Variants in CLNK observed in about 807,000 individuals in gnomAD.
The protein encoded by CLNK is cytokine dependent hematopoietic cell linker, also known as cytokine-dependent hematopoietic cell linker.
In CLNK, 74 loss-of-function variants were observed where a neutral mutation model predicts 68.6. The observed-to-expected ratio is 1.08, with a 90% CI of 0.89 to 1.31. The LOEUF is 1.31. Ranked by LOEUF, CLNK falls within the 50% of genes most tolerant of loss-of-function variation. The pLI, the probability that CLNK is intolerant of heterozygous loss-of-function variation, is 0.00. For synonymous variants in CLNK, 198 were observed against 172.2 expected, an observed-to-expected ratio of 1.15 and a Z score of -1.17; for missense variants, 553 against 515.3, an observed-to-expected ratio of 1.07 and a Z score of -0.71.
the CLNK span, among the ~76,000 whole-genome samples, chr4:10,732,130 G>A: frequency 6.6e-6 from 1 of 152,140 alleles, no homozygotes; most frequent in African/African-American, 2.4e-5. Flanking sequence ...TAATTAGAAA[G>A]TAATGAGTTT....
chr4:10,670,786 A>G (rs906431450), intron 1 of CLNK, among the ~76,000 whole-genome samples: 4 of 152,222 alleles, frequency 2.6e-5, no homozygotes, highest in Non-Finnish European at 4.4e-5. Flanking sequence ...TACATTTCTT[A>G]TATTTTATTG....
intron 2 of CLNK, among the ~76,000 whole-genome samples, chr4:10,614,525 A>G (rs1439303525): frequency 6.6e-6 from 1 of 152,208 alleles, no homozygotes; most frequent in Admixed American, 6.5e-5. Flanking sequence ...TTTCAGCCTG[A>G]GAATTCCCAT....
At chr4:10,535,465 G>A (rs1221634168) in intron 11 of CLNK, among the ~76,000 whole-genome samples, 1 of 152,152 alleles carries the variant, frequency 6.6e-6, no homozygotes, top group Non-Finnish European at 1.5e-5. Context: ...CAGTGCTGTT[G>A]TGTGACTAAA....
chr4:10,572,051 C>G (rs1029079291), intron 4 of CLNK, among the ~76,000 whole-genome samples: 5 of 152,184 alleles, frequency 3.3e-5, no homozygotes, highest in African/African-American at 1.2e-4. Context: ...TGTAGCAGGT[C>G]AAAATTCCTG....
At chr4:10,525,204 A>G (rs1445670321) in intron 14 of CLNK, among the ~76,000 whole-genome samples, 1 of 152,096 alleles carries the variant, frequency 6.6e-6, no homozygotes, top group Non-Finnish European at 1.5e-5. Flanking sequence ...AGCTGGGACT[A>G]CAGGCACCCG....
the CLNK span, among the ~76,000 whole-genome samples, chr4:10,723,387 A>C: frequency 6.6e-6 from 1 of 152,202 alleles, no homozygotes; most frequent in Non-Finnish European, 1.5e-5. Flanking sequence ...ATGGATAAAG[A>C]CTAAATTCTA....
intron 2 of CLNK, among the ~76,000 whole-genome samples, chr4:10,616,790 G>GTGTATATATATA (rs1369047138): frequency 6.4e-4 from 41 of 64,368 alleles, no homozygotes; most frequent in African/African-American, 1.6e-3. Flanking sequence ...GTGTGTGTGT[G>GTGTATATATATA]TATATATATA....
chr4:10,521,673 G>T (rs1326177194), intron 14 of CLNK, among the ~76,000 whole-genome samples: 1 of 152,134 alleles, frequency 6.6e-6, no homozygotes, highest in Non-Finnish European at 1.5e-5. Flanking sequence ...CTTGCTTTGT[G>T]GATAAAAACG....
chr4:10,580,142 T>G (rs1333829337), intron 4 of CLNK, among the ~76,000 whole-genome samples: 1 of 152,178 alleles, frequency 6.6e-6, no homozygotes. Flanking sequence ...AGGACCCTGG[T>G]GTTCCTCCAC....
At chr4:10,672,081 A>G (rs1345689358) in intron 1 of CLNK, among the ~76,000 whole-genome samples, 1 of 152,124 alleles carries the variant, frequency 6.6e-6, no homozygotes, top group Non-Finnish European at 1.5e-5. Context: ...CACCAAGACA[A>G]CCCTAAAAAA....
At chr4:10,665,840 G>T (rs1485260634) in intron 2 of CLNK, among the ~76,000 whole-genome samples, 3 of 152,080 alleles carry the variant, frequency 2.0e-5, no homozygotes, top group Admixed American at 2.0e-4. Context: ...ACTGAATGGT[G>T]GCCCTACAAC....
chr4:10,634,752 A>G (rs1267908775), intron 2 of CLNK, among the ~76,000 whole-genome samples: 1 of 152,096 alleles, frequency 6.6e-6, no homozygotes, highest in African/African-American at 2.4e-5. Flanking sequence ...CTGGAGAACA[A>G]TTTGGCTTTT....
intron 2 of CLNK, among the ~76,000 whole-genome samples, chr4:10,624,805 A>G (rs1167547586): frequency 6.6e-6 from 1 of 152,052 alleles, no homozygotes; most frequent in Admixed American, 6.6e-5. Context: ...ATTTGGAGGA[A>G]CACACCTTGG....
the CLNK span, among the ~76,000 whole-genome samples, chr4:10,712,169 CT>C: frequency 1.3e-5 from 2 of 151,998 alleles, no homozygotes; most frequent in Non-Finnish European, 2.9e-5. Context: ...ATTGTGAGAC[CT>C]TTACCCCTCA....
intron 16 of CLNK, among the ~76,000 whole-genome samples, chr4:10,508,362 A>T (rs1270700414): frequency 1.3e-5 from 2 of 152,086 alleles, no homozygotes; most frequent in African/African-American, 4.8e-5. Context: ...AGGCTTGTTG[A>T]GGTGGAAATG....
At chr4:10,534,720 G>A (rs1718670759) in intron 11 of CLNK, among the ~76,000 whole-genome samples, 1 of 152,106 alleles carries the variant, frequency 6.6e-6, no homozygotes, top group Non-Finnish European at 1.5e-5. Flanking sequence ...TTTTTATCCT[G>A]AGATAAAATT....
At chr4:10,690,805 C>A in the CLNK span, among the ~76,000 whole-genome samples, 1 of 152,130 alleles carries the variant, frequency 6.6e-6, no homozygotes, top group Non-Finnish European at 1.5e-5. Flanking sequence ...CTCCATGAGT[C>A]CCCTTTCAGC....
intron 15 of CLNK, among the ~76,000 whole-genome samples, chr4:10,515,301 T>C (rs181151722): frequency 1.3e-5 from 2 of 152,280 alleles, no homozygotes; most frequent in East Asian, 3.9e-4. Context: ...GATTTCCTTC[T>C]GTCCATAAGG....
chr4:10,675,900 CA>C (rs1001746140), intron 1 of CLNK, among the ~76,000 whole-genome samples: 1 of 152,062 alleles, frequency 6.6e-6, no homozygotes, highest in African/African-American at 2.4e-5. Context: ...ATCATTAAAA[CA>C]GGAAAAAAGG....
Sources: gnomAD v4.1 joint callset for allele counts (sites outside exome capture counted in the v4.1 genomes callset) on GRCh38, gnomAD v4.1.1 for gene constraint, MANE v1.5 for transcripts, NCBI Gene and HGNC (gene_info 2026-07-23, HGNC 2026-07-21) for gene names.